Variants in HS3ST4 observed in about 807,000 individuals in gnomAD.
The protein encoded by HS3ST4 is heparan sulfate-glucosamine 3-sulfotransferase 4.
In HS3ST4, 17 loss-of-function variants were observed where a neutral mutation model predicts 29.2. That is an observed-to-expected ratio of 0.58 (90% CI 0.40 to 0.87). The LOEUF is 0.87. HS3ST4 is among the 40% of genes least tolerant of loss of function. The probability of loss-of-function intolerance (pLI) is 0.00; values close to 1 mark genes in which losing one functional copy is unlikely to be tolerated. For synonymous variants in HS3ST4, 314 were observed against 285.7 expected, an observed-to-expected ratio of 1.10 and a Z score of -1.00; for missense variants, 627 against 634.5, an observed-to-expected ratio of 0.99 and a Z score of 0.13.
chr16:26,030,930 G>C (rs556772431), intron 1 of HS3ST4, among the ~76,000 whole-genome samples: 11 of 152,306 alleles, frequency 7.2e-5, no homozygotes, highest in African/African-American at 2.6e-4. Flanking sequence ...AAAAGCAGGG[G>C]GTTTTGCCTG....
chr16:25,873,598 A>G (rs547673913), intron 1 of HS3ST4, among the ~76,000 whole-genome samples: 1 of 150,452 alleles, frequency 6.6e-6, no homozygotes, highest in African/African-American at 2.5e-5. Flanking sequence ...CCATTCATCC[A>G]TCCATCCATC....
rs183424622 is a variant in HS3ST4, at chr16:25,719,357, A to G, written c.734+26206A>G. Among the ~76,000 whole-genome samples the G allele has an allele frequency of 1.4e-4, 21 of 151,478 alleles. No individual in the cohort carries two copies. In the East Asian group the frequency reaches 4.1e-3, roughly 30 times the overall value. On this transcript the variant is annotated intron_variant, in intron 1 of 1. Transcript: ENST00000331351. ...CTTTTATCCTTGTGAAACTTGATCT[A>G]AATAAGAAGACAGACAGACAAGTGA...
chr16:25,904,182 G>T (rs1352199452), intron 1 of HS3ST4, among the ~76,000 whole-genome samples: 1 of 149,166 alleles, frequency 6.7e-6, no homozygotes, highest in Non-Finnish European at 1.5e-5. Flanking sequence ...ATGGATGGAT[G>T]GACGGATGGA....
At position 26,136,955 on chromosome 16, in the gene HS3ST4, G is replaced by A. The variant is rs147078201; in HGVS notation, c.*707G>A. The A allele has an allele frequency of 6.5e-6, 1 of 152,692 alleles. No homozygotes were observed. The highest frequency in any genetic ancestry group is 1.9e-4 in the East Asian group (1 of 5,188). The allele number at this position is 152,692 out of a possible 1,614,324, so 9.5% of individuals were successfully genotyped here. A position where few individuals can be genotyped will look rare whatever the true frequency, so the allele number is the denominator to read the frequency against. On this transcript the variant is annotated 3_prime_UTR_variant, in exon 2 of 2. Coordinates refer to ENST00000331351, the MANE Select transcript of HS3ST4 (RefSeq NM_006040.3). ...TCTTTCCAAGAGCCCTCTAAATGGG[G>A]TTGGGTCTCACTCTTCATGAGTATC... is the stretch of plus-strand genomic sequence containing the variant.
At position 26,133,028 on chromosome 16, in the gene HS3ST4, G is replaced by A. The variant is rs536673382; in HGVS notation, c.735-2584G>A. Among the ~76,000 whole-genome samples, 10 of 152,258 alleles carry A rather than the reference G, an allele frequency of 6.6e-5. No individual in the cohort carries two copies. In the East Asian group the frequency reaches 9.7e-4, roughly 15 times the overall value. On this transcript the variant is annotated intron_variant, in intron 1 of 1. Coordinates refer to ENST00000331351, the MANE Select transcript of HS3ST4 (RefSeq NM_006040.3). ...TTGTTGGACACCAGCCTCCAGATCC[G>A]GAAGTGCAATTGATGATATTGGCAT...
At chr16:26,052,504 G>T (rs1166809873) in intron 1 of HS3ST4, among the ~76,000 whole-genome samples, 1 of 152,076 alleles carries the variant, frequency 6.6e-6, no homozygotes, top group Admixed American at 6.6e-5. Flanking sequence ...CTGAGTAGCT[G>T]GGATTACAAG....
At chr16:26,057,480 C>T (rs1453327026) in intron 1 of HS3ST4, among the ~76,000 whole-genome samples, 5 of 152,250 alleles carry the variant, frequency 3.3e-5, no homozygotes, top group East Asian at 1.9e-4. Context: ...GCAGGCTGGG[C>T]GCGGTGGCTC....
At chr16:25,704,345 A>G (rs754277901) in intron 1 of HS3ST4, among the ~76,000 whole-genome samples, 2 of 152,190 alleles carry the variant, frequency 1.3e-5, no homozygotes, top group Non-Finnish European at 2.9e-5. Flanking sequence ...TATTTCATTT[A>G]TTCCTCACAG....
At chr16:25,906,360 TC>T (rs577365560) in intron 1 of HS3ST4, among the ~76,000 whole-genome samples, 257 of 152,312 alleles carry the variant, frequency 1.7e-3, no homozygotes, top group African/African-American at 6.0e-3. Flanking sequence ...ACCCTATGTA[TC>T]TAGAATACAA....
At chr16:26,038,027 T>C (rs1969599445) in intron 1 of HS3ST4, among the ~76,000 whole-genome samples, 2 of 152,202 alleles carry the variant, frequency 1.3e-5, no homozygotes, top group Admixed American at 1.3e-4. Context: ...AAGTCCTTCG[T>C]GTATTTCCCA....
intron 1 of HS3ST4, among the ~76,000 whole-genome samples, chr16:25,788,512 A>G (rs1433256774): frequency 7.2e-6 from 1 of 138,170 alleles, no homozygotes; most frequent in Non-Finnish European, 1.6e-5. Context: ...CTTCTTCTCT[A>G]TCTTCCTACA....
chr16:25,964,632 G>C (rs181057517), intron 1 of HS3ST4, among the ~76,000 whole-genome samples: 100 of 152,284 alleles, frequency 6.6e-4, no homozygotes, highest in Middle Eastern at 3.4e-3. Context: ...TCCCAGACAA[G>C]GCTGGCTCCA....
At chr16:25,840,789 A>G (rs1967403734) in intron 1 of HS3ST4, among the ~76,000 whole-genome samples, 1 of 152,090 alleles carries the variant, frequency 6.6e-6, no homozygotes, top group Admixed American at 6.5e-5. Context: ...GCTTGGATCA[A>G]ATAAACACTG....
In HS3ST4 at chr16:25,817,076, T is replaced by C. The variant is rs542289181; in HGVS notation, c.734+123925T>C. 1.2e-4 allele frequency among the ~76,000 whole-genome samples: 19 copies of C among 152,382 alleles called. No individual in the cohort carries two copies. In the South Asian group the frequency reaches 1.4e-3, roughly 12 times the overall value. ...AAAATTCAAACCATAGCAAGCTGCATTGCATTTCAAAGCTGCAGTTTGAGT... is the reference window on the plus strand; with the variant it reads ...AAAATTCAAACCATAGCAAGCTGCACTGCATTTCAAAGCTGCAGTTTGAGT... On this transcript the variant is annotated intron_variant, in intron 1 of 1. Transcript: ENST00000331351.
chr16:25,768,531 T>G (rs1361438458), intron 1 of HS3ST4, among the ~76,000 whole-genome samples: 1 of 152,164 alleles, frequency 6.6e-6, no homozygotes, highest in Non-Finnish European at 1.5e-5. Flanking sequence ...AGAACTTGGC[T>G]TAGGGATGTA....
chr16:25,954,451 T>TA (rs1239376981), intron 1 of HS3ST4, among the ~76,000 whole-genome samples: 108 of 152,194 alleles, frequency 7.1e-4, no homozygotes, highest in African/African-American at 2.4e-3. Context: ...GGGTGTCTGA[T>TA]ACATAGAAAT....
At chr16:26,109,841 A>G (rs150978790) in intron 1 of HS3ST4, among the ~76,000 whole-genome samples, 2 of 152,278 alleles carry the variant, frequency 1.3e-5, no homozygotes, top group South Asian at 2.1e-4. Context: ...ATATGTATGC[A>G]TAGTGACATG....
chr16:25,961,077 A>G (rs1306406328), intron 1 of HS3ST4, among the ~76,000 whole-genome samples: 1 of 152,220 alleles, frequency 6.6e-6, no homozygotes, highest in Non-Finnish European at 1.5e-5. Context: ...ACTGGCCTCA[A>G]TGCAGTCTCT....
At chr16:25,934,166 G>A (rs61075792) in intron 1 of HS3ST4, among the ~76,000 whole-genome samples, 3,108 of 152,272 alleles carry the variant, frequency 0.02, 114 homozygotes, top group African/African-American at 0.071. Context: ...CTTTTAGCCT[G>A]TTAGTCCTCT....
Sources: gnomAD v4.1 joint callset for allele counts (sites outside exome capture counted in the v4.1 genomes callset) on GRCh38, gnomAD v4.1.1 for gene constraint, MANE v1.5 for transcripts, NCBI Gene and HGNC (gene_info 2026-07-23, HGNC 2026-07-21) for gene names.